The following FAM107B variants were observed in gnomAD, a reference collection of about 807,000 sequenced individuals.
The protein encoded by FAM107B is family with sequence similarity 107 member B, also known as protein FAM107B.
In FAM107B, 21 loss-of-function variants were observed where a neutral mutation model predicts 31.5. That is an observed-to-expected ratio of 0.67 (90% confidence interval 0.47 to 0.96). The LOEUF is 0.96. Among genes scored for constraint, FAM107B ranks in the 40% least tolerant of loss-of-function variants. The pLI is 0.00. For missense variants in FAM107B, 452 were observed against 377.1 expected, an observed-to-expected ratio of 1.20 and a Z score of -1.64; for synonymous variants, 157 against 141.5, an observed-to-expected ratio of 1.11 and a Z score of -0.78.
rs75992892 is a variant in FAM107B at position 14,716,641 on chromosome 10, G to A, written c.412-48950C>T. Among the ~76,000 whole-genome samples the A allele has an allele frequency of 6.0e-4, 92 of 152,340 alleles. 2 individuals carry two copies. The highest frequency in any genetic ancestry group is 4.6e-3 in the East Asian group (24 of 5,194). On this transcript the variant is annotated intron_variant, in intron 1 of 4. Transcript: ENST00000181796. ...GCCACCATGGTGCCAAGGAGTGATA[G>A]GGTAGGCTGGGGAGAGTACTTGATA...
At chr10:14,533,855 T>A (rs1022923770) in intron 2 of FAM107B, among the ~76,000 whole-genome samples, 1 of 152,064 alleles carries the variant, frequency 6.6e-6, no homozygotes, top group Non-Finnish European at 1.5e-5. Context: ...TCTTCTCACA[T>A]AGGACCAGTG....
rs1853351893 is a variant in FAM107B at position 14,631,428 on chromosome 10, G to A, written c.469+36206C>T. ...GTTTAAACAGAAGAGATGAACCAGT[G>A]TATAAATTCTACAGCACAACTTTTA... On this transcript the variant is annotated intron_variant, in intron 2 of 4. Transcript: ENST00000181796. Among the ~76,000 whole-genome samples the A allele has an allele frequency of 1.3e-5, 2 of 152,202 alleles. 1 individual carries two copies. Among genetic ancestry groups the A allele is most frequent in the Admixed American group, 1.3e-4 (2 of 15,280 alleles).
chr10:14,659,521 C>T (rs1343534558), intron 2 of FAM107B, among the ~76,000 whole-genome samples: 1 of 152,194 alleles, frequency 6.6e-6, no homozygotes, highest in Non-Finnish European at 1.5e-5. Context: ...AAAGCAAACT[C>T]AGGATAAGTT....
chr10:14,656,524 G>A (rs1249357441), intron 2 of FAM107B, among the ~76,000 whole-genome samples: 1 of 152,156 alleles, frequency 6.6e-6, no homozygotes, highest in Non-Finnish European at 1.5e-5. Flanking sequence ...CTGGACATTC[G>A]GGTTCCTGGC....
At position 14,759,783 on chromosome 10, in the gene FAM107B, T is replaced by A. The variant is rs543420901; in HGVS notation, c.411+14470A>T. ...TTGGAGTGCAGTAGTGCGATCTCGGTTCACTGCAACCTCCACCTCCCGGAC... is the reference window on the plus strand; with the variant it reads ...TTGGAGTGCAGTAGTGCGATCTCGGATCACTGCAACCTCCACCTCCCGGAC... On this transcript the variant is annotated intron_variant, in intron 1 of 4. Transcript: ENST00000181796. Among the ~76,000 whole-genome samples the A allele has an allele frequency of 4.9e-4, 75 of 151,992 alleles. No individual in the cohort carries two copies. The South Asian group carries it at 0.015, about 30-fold the overall frequency.
intron 1 of FAM107B, among the ~76,000 whole-genome samples, chr10:14,719,449 T>C (rs1007045232): frequency 6.6e-6 from 1 of 152,244 alleles, no homozygotes; most frequent in Non-Finnish European, 1.5e-5. Context: ...AATCCATTCA[T>C]GTTCTTTCAA....
rs117309660 is a variant in FAM107B, at chr10:14,550,404, A to G, written c.470-19889T>C. On this transcript the variant is annotated intron_variant, in intron 2 of 4. Coordinates refer to ENST00000181796, the MANE Select transcript of FAM107B (RefSeq NM_031453.4). ...GGACTTTTGCCCCAAGAACCAATAC[A>G]TATCCTCCATCAAGTTACTCACTCT... Among the ~76,000 whole-genome samples the G allele has an allele frequency of 2.3e-3, 353 of 152,260 alleles. 1 individual carries two copies. Among genetic ancestry groups the G allele is most frequent in the Middle Eastern group, 0.017 (5 of 294 alleles).
At chr10:14,720,415 G>C (rs546553092) in intron 1 of FAM107B, among the ~76,000 whole-genome samples, 2 of 152,186 alleles carry the variant, frequency 1.3e-5, no homozygotes, top group Non-Finnish European at 2.9e-5. Context: ...CACCACACCT[G>C]GCTAATTTCT....
chr10:14,655,464 G>C (rs917927771), intron 2 of FAM107B, among the ~76,000 whole-genome samples: 2 of 152,158 alleles, frequency 1.3e-5, no homozygotes, highest in African/African-American at 4.8e-5. Flanking sequence ...CTGTCGCCTA[G>C]GCTGGAGCGC....
chr10:14,642,571 C>A (rs1410670762), intron 2 of FAM107B, among the ~76,000 whole-genome samples: 2 of 152,150 alleles, frequency 1.3e-5, no homozygotes, highest in South Asian at 4.1e-4. Context: ...GCTCATATAA[C>A]CCTATAAACA....
chr10:14,559,099 C>CAA (rs745765049), intron 2 of FAM107B, among the ~76,000 whole-genome samples: 121 of 88,112 alleles, frequency 1.4e-3, no homozygotes, highest in South Asian at 3.0e-3. Flanking sequence ...TGTGGAACTT[C>CAA]AAAAAAAAAA....
chr10:14,614,943 C>A (rs1852813565), intron 2 of FAM107B, among the ~76,000 whole-genome samples: 1 of 152,088 alleles, frequency 6.6e-6, no homozygotes, highest in South Asian at 2.1e-4. Context: ...GAATTGGAGG[C>A]AGCTAGTATA....
At chr10:14,743,572 G>A (rs1222268997) in intron 1 of FAM107B, among the ~76,000 whole-genome samples, 1 of 152,120 alleles carries the variant, frequency 6.6e-6, no homozygotes, top group Non-Finnish European at 1.5e-5. Flanking sequence ...TTCTGCATAT[G>A]GCTAGCCAGT....
At chr10:14,654,542 G>A (rs1853990172) in intron 2 of FAM107B, among the ~76,000 whole-genome samples, 1 of 152,126 alleles carries the variant, frequency 6.6e-6, no homozygotes, top group Non-Finnish European at 1.5e-5. Flanking sequence ...ATCTTAGCTA[G>A]TTTCGTTTAA....
intron 2 of FAM107B, among the ~76,000 whole-genome samples, chr10:14,580,881 A>G (rs890868937): frequency 6.6e-6 from 1 of 152,184 alleles, no homozygotes; most frequent in African/African-American, 2.4e-5. Flanking sequence ...CCCAGAGATC[A>G]TTTCCTTCTG....
intron 2 of FAM107B, among the ~76,000 whole-genome samples, chr10:14,616,940 AAGAGAGAG>A (rs374039725): frequency 2.6e-5 from 4 of 151,462 alleles, no homozygotes; most frequent in African/African-American, 4.9e-5. Context: ...AATAAAATAA[AAGAGAGAG>A]AGAGAGAGTA....
chr10:14,669,515 C>T (rs10906737), intron 1 of FAM107B, among the ~76,000 whole-genome samples: 55,483 of 151,630 alleles, frequency 0.37, 10,289 homozygotes, highest in East Asian at 0.45. Context: ...GCCAGATAAA[C>T]GGATAAATAA....
intron 2 of FAM107B, among the ~76,000 whole-genome samples, chr10:14,586,786 G>A (rs745798057): frequency 3.1e-4 from 47 of 152,174 alleles, no homozygotes; most frequent in Middle Eastern, 3.4e-3. Flanking sequence ...GCCCAGGGTC[G>A]CTCCTCCACT....
At chr10:14,767,570 A>G (rs1309677951) in intron 1 of FAM107B, among the ~76,000 whole-genome samples, 1 of 152,216 alleles carries the variant, frequency 6.6e-6, no homozygotes, top group East Asian at 1.9e-4. Context: ...AAGAAAACAC[A>G]TGTGATCATC....
Sources: gnomAD v4.1 joint callset for allele counts (sites outside exome capture counted in the v4.1 genomes callset) on GRCh38, gnomAD v4.1.1 for gene constraint, MANE v1.5 for transcripts, NCBI Gene and HGNC (gene_info 2026-07-23, HGNC 2026-07-21) for gene names.